Variants in TRIM2 observed in about 807,000 individuals in gnomAD.
TRIM2 encodes tripartite motif containing 2.
A neutral mutation model predicts 75.2 loss-of-function variants in TRIM2; 20 were observed. That is an observed-to-expected ratio of 0.27 (90% CI 0.19 to 0.39). The LOEUF (loss-of-function observed/expected upper bound fraction) is 0.39. TRIM2 is among the 10% of genes least tolerant of loss of function. The pLI is 1.00. For missense variants in TRIM2, 660 were observed against 990.8 expected (o/e 0.67, Z 4.48); for synonymous variants, 373 against 388.3 (o/e 0.96, Z 0.46).
In TRIM2 at chr4:153,337,359, A is replaced by T; in HGVS notation, c.*2393A>T. The T allele has an allele frequency of 1.0e-6, 1 of 985,868 alleles. No homozygotes were observed. Among genetic ancestry groups the T allele is most frequent in the Non-Finnish European group, 1.2e-6 (1 of 829,928 alleles). 61.1% of individuals were successfully genotyped at this position (985,868 alleles called of 1,614,324 possible). On this transcript the variant is annotated 3_prime_UTR_variant, in exon 12 of 12. Transcript: ENST00000338700. ...CCATCATATCATATCCTATCAGGCT[A>T]GATATCTCAATAGTAGACTGAATAC... is the stretch of plus-strand genomic sequence containing the variant.
chr4:153,176,002 C>T (rs948182310), intron 1 of TRIM2, among the ~76,000 whole-genome samples: 7 of 151,280 alleles, frequency 4.6e-5, no homozygotes, highest in African/African-American at 7.3e-5. Flanking sequence ...CCTGATCGTG[C>T]GTGTGAATAG....
chr4:153,200,797 C>CT (rs202158649), upstream of TRIM2, among the ~76,000 whole-genome samples: 3,890 of 126,472 alleles, frequency 0.031, 96 homozygotes, highest in South Asian at 0.067. Context: ...GGTTTTTTTT[C>CT]TTTTTTTTTT....
chr4:153,176,633 CAG>C (rs1272855829), intron 1 of TRIM2, among the ~76,000 whole-genome samples: 2 of 151,636 alleles, frequency 1.3e-5, no homozygotes, highest in South Asian at 2.1e-4. Context: ...ATTTTTGTGA[CAG>C]AGTCTCACTC....
intron 3 of TRIM2, among the ~76,000 whole-genome samples, chr4:153,292,488 C>T (rs113686978): frequency 0.047 from 7,093 of 152,256 alleles, 230 homozygotes; most frequent in Non-Finnish European, 0.07. Flanking sequence ...GACAGAGTCT[C>T]GCTATGTTTC....
intron 6 of TRIM2, among the ~76,000 whole-genome samples, chr4:153,314,701 T>C (rs1767209876): frequency 6.6e-6 from 1 of 152,160 alleles, no homozygotes; most frequent in African/African-American, 2.4e-5. Flanking sequence ...AATATCTTTT[T>C]ATAATTTCAG....
chr4:153,296,175 A>T (rs1398946004), intron 6 of TRIM2, 139 bp downstream of exon 6: 44 of 1,160,424 alleles, frequency 3.8e-5, no homozygotes, highest in Admixed American at 1.0e-4. Flanking sequence ...ATAAAATTTG[A>T]TATATTTTGT....
chr4:153,307,342 G>C lies in TRIM2; in HGVS notation c.1511-8143G>C, dbSNP rs17029851. On this transcript the variant is annotated intron_variant, in intron 6 of 11. Coordinates refer to ENST00000338700, the MANE Select transcript of TRIM2 (RefSeq NM_015271.5). ...ATTATACACCATACCTTAATGAGTA[G>C]ATGAAAAGTTGAATGAAACACTCAT... is the stretch of plus-strand genomic sequence containing the variant. Among the ~76,000 whole-genome samples the C allele has an allele frequency of 1.5e-3, 235 of 152,262 alleles. 4 individuals are homozygous for C. The East Asian group carries it at 0.041, about 27-fold the overall frequency.
intron 3 of TRIM2, among the ~76,000 whole-genome samples, chr4:153,282,873 C>T (rs1006253258): frequency 1.3e-5 from 2 of 152,060 alleles, no homozygotes; most frequent in Non-Finnish European, 2.9e-5. Flanking sequence ...ATGGCAGCCT[C>T]AATCTCCTAG....
At chr4:153,196,781 G>A (rs1733823612) in intron 1 of TRIM2, among the ~76,000 whole-genome samples, 1 of 152,164 alleles carries the variant, frequency 6.6e-6, no homozygotes, top group Admixed American at 6.5e-5. Flanking sequence ...TTCTGAACTA[G>A]GTTTTCAGCA....
rs114633339 is a variant in TRIM2 at position 153,313,109 on chromosome 4, G to A, written c.1511-2376G>A. Among the ~76,000 whole-genome samples the A allele has an allele frequency of 9.4e-3, 1,427 of 152,188 alleles. 26 individuals are homozygous for A. Among genetic ancestry groups the A allele is most frequent in the African/African-American group, 0.03 (1,263 of 41,474 alleles). The stretch of plus-strand genomic sequence containing the variant: ...CAAGCTCTCCTTAACTTCAAACCAT[G>A]TTGGCACATATCCCCCTTCGAGGGC... On this transcript the variant is annotated intron_variant, in intron 6 of 11. Transcript: ENST00000338700.
At chr4:153,258,909 T>C (rs1457783854) in intron 1 of TRIM2, among the ~76,000 whole-genome samples, 2 of 152,200 alleles carry the variant, frequency 1.3e-5, no homozygotes, top group African/African-American at 4.8e-5. Context: ...TAACCCACTA[T>C]AATGTTAAAT....
At chr4:153,202,516 C>T (rs1391311344), upstream of TRIM2, among the ~76,000 whole-genome samples, 1 of 150,832 alleles carries the variant, frequency 6.6e-6, no homozygotes, top group Non-Finnish European at 1.5e-5. Context: ...TGAAACCCAA[C>T]TCTACTAAAA....
At chr4:153,237,040 C>T (rs1394624470) in intron 1 of TRIM2, among the ~76,000 whole-genome samples, 1 of 152,152 alleles carries the variant, frequency 6.6e-6, no homozygotes, top group African/African-American at 2.4e-5. Context: ...GTATCAAGGA[C>T]ATTACATTGC....
In TRIM2 at chr4:153,273,270, C is replaced by CTTTTTTTTTTTTT. The variant is rs72414117; in HGVS notation, c.216-2612_216-2600dup. Among the ~76,000 whole-genome samples, 39 of 57,382 alleles carry CTTTTTTTTTTTTT rather than the reference C, an allele frequency of 6.8e-4. 5 individuals are homozygous for CTTTTTTTTTTTTT. Among genetic ancestry groups the CTTTTTTTTTTTTT allele is most frequent in the South Asian group, 9.8e-4 (1 of 1,024 alleles). The allele number at this position is 57,382 out of a possible 152,430, so 37.6% of individuals were successfully genotyped here. A position where few individuals can be genotyped will look rare whatever the true frequency, so the allele number is the denominator to read the frequency against. On this transcript the variant is annotated intron_variant, in intron 2 of 11. Coordinates refer to ENST00000338700, the MANE Select transcript of TRIM2 (RefSeq NM_015271.5). ...ACTCAGTGAGCACCTTACAGTCACT[C>CTTTTTTTTTTTTT]TTTTTTTTTTTTTTTTTTTTTTTGA...
intron 1 of TRIM2, among the ~76,000 whole-genome samples, chr4:153,196,294 G>A (rs553192395): frequency 6.6e-6 from 1 of 151,618 alleles, no homozygotes; most frequent in Non-Finnish European, 1.5e-5. Flanking sequence ...CACACAAACT[G>A]GGTGCAGTGG....
intron 3 of TRIM2, among the ~76,000 whole-genome samples, chr4:153,285,200 C>T (rs1760322002): frequency 6.6e-6 from 1 of 152,178 alleles, no homozygotes; most frequent in Non-Finnish European, 1.5e-5. Flanking sequence ...GGCAATTTTT[C>T]CCATTGAGCT....
At chr4:153,222,041 CGAGGAAGGGAGG>C (rs1740616423) in intron 1 of TRIM2, among the ~76,000 whole-genome samples, 1 of 102,726 alleles carries the variant, frequency 9.7e-6, no homozygotes, top group Non-Finnish European at 2.1e-5. Context: ...AAGGAAAGAG[CGAGGAAGGGAGG>C]GAGGAAGGAA....
At chr4:153,259,606 C>T (rs1007237812) in intron 1 of TRIM2, among the ~76,000 whole-genome samples, 52 of 152,262 alleles carry the variant, frequency 3.4e-4, no homozygotes, top group Middle Eastern at 3.4e-3. Flanking sequence ...ACTTCAATTA[C>T]TTTTTACTAT....
chr4:153,251,887 G>A (rs2149929705), intron 1 of TRIM2, among the ~76,000 whole-genome samples: 1 of 152,150 alleles, frequency 6.6e-6, no homozygotes, highest in South Asian at 2.1e-4. Flanking sequence ...AGACTAAGGT[G>A]GGAGGATTGC....
Sources: gnomAD v4.1 joint callset for allele counts (sites outside exome capture counted in the v4.1 genomes callset) on GRCh38, gnomAD v4.1.1 for gene constraint, MANE v1.5 for transcripts, NCBI Gene and HGNC (gene_info 2026-07-23, HGNC 2026-07-21) for gene names.